The following ARHGEF7 variants were observed in gnomAD, a reference collection of about 807,000 sequenced individuals.
The protein encoded by ARHGEF7 is Rho guanine nucleotide exchange factor 7.
A neutral mutation model predicts 109.8 loss-of-function variants in ARHGEF7; 33 were observed. The observed-to-expected ratio is 0.30, with a 90% CI of 0.23 to 0.40. The LOEUF (loss-of-function observed/expected upper bound fraction) is 0.40. Ranked by LOEUF, ARHGEF7 falls within the 10% of genes least tolerant of loss-of-function variation. ARHGEF7 has a pLI of 1.00. For synonymous variants in ARHGEF7, 458 were observed against 424.6 expected, an observed-to-expected ratio of 1.08 and a Z score of -0.97; for missense variants, 938 against 1,098.5, an observed-to-expected ratio of 0.85 and a Z score of 2.07.
At chr13:111,213,488 C>T (rs143833558) in intron 4 of ARHGEF7, among the ~76,000 whole-genome samples, 19 of 152,346 alleles carry the variant, frequency 1.2e-4, no homozygotes, top group Admixed American at 1.2e-3. Flanking sequence ...GACCAGCCTC[C>T]AACTCCTCGA....
At chr13:111,248,657 AGTTT>A (rs1206927341) in intron 8 of ARHGEF7, among the ~76,000 whole-genome samples, 1 of 152,040 alleles carries the variant, frequency 6.6e-6, no homozygotes, top group African/African-American at 2.4e-5. Context: ...ACAAGTTTTT[AGTTT>A]GAGAATTTTT....
chr13:111,214,654 A>G (rs575830387), intron 4 of ARHGEF7, among the ~76,000 whole-genome samples: 4 of 152,338 alleles, frequency 2.6e-5, no homozygotes, highest in East Asian at 3.9e-4. Flanking sequence ...TTCAGTTGCA[A>G]TGGCAAACTT....
rs2153388478 is a variant in ARHGEF7 at position 111,159,167 on chromosome 13, G to A, written c.252+5176G>A. The A allele has an allele frequency of 1.7e-5, 12 of 695,374 alleles. No individual in the cohort carries two copies. In the South Asian group the frequency reaches 1.9e-4, roughly 11 times the overall value. 43.1% of individuals were successfully genotyped at this position (695,374 alleles called of 1,614,324 possible). A position where few individuals can be genotyped will look rare whatever the true frequency, so the allele number is the denominator to read the frequency against. ...TCTTTTTGTGCCCTGCTTTCTCTTA[G>A]CACAATGTTCTCCAGGTTCATTCAT... On this transcript the variant is annotated intron_variant, in intron 2 of 21. Coordinates refer to ENST00000646102, the MANE Select transcript of ARHGEF7 (RefSeq NM_001354046.2).
At chr13:111,271,677 A>G (rs780052900) in intron 9 of ARHGEF7, among the ~76,000 whole-genome samples, 6 of 152,160 alleles carry the variant, frequency 3.9e-5, no homozygotes, top group Non-Finnish European at 8.8e-5. Flanking sequence ...ACGTACACAC[A>G]CTCGGAAGTA....
At chr13:111,269,782 T>A (rs1399173725) in intron 9 of ARHGEF7, among the ~76,000 whole-genome samples, 2 of 152,160 alleles carry the variant, frequency 1.3e-5, no homozygotes, top group Non-Finnish European at 2.9e-5. Context: ...TCCCGCTGTG[T>A]TGGCCACAGA....
At chr13:111,267,908 A>C (rs1371314718) in intron 9 of ARHGEF7, among the ~76,000 whole-genome samples, 1 of 150,238 alleles carries the variant, frequency 6.7e-6, no homozygotes, top group Non-Finnish European at 1.5e-5. Context: ...CCCTTTGGCT[A>C]ATAGGTTGAA....
chr13:111,118,305 T>C (rs2153309597), intron 1 of ARHGEF7, among the ~76,000 whole-genome samples: 1 of 152,372 alleles, frequency 6.6e-6, no homozygotes, highest in African/African-American at 2.4e-5. Flanking sequence ...CGTGTCAGAT[T>C]CTTCTGCTCA....
chr13:111,174,193 A>G (rs1366724430), intron 2 of ARHGEF7, among the ~76,000 whole-genome samples: 19 of 152,324 alleles, frequency 1.2e-4, no homozygotes, highest in Non-Finnish European at 7.3e-5. Flanking sequence ...TTTTATAGAG[A>G]CTGCTGAGAT....
chr13:111,286,804 G>T (rs978349681), intron 17 of ARHGEF7, among the ~76,000 whole-genome samples: 1 of 152,224 alleles, frequency 6.6e-6, no homozygotes. Context: ...AATAAGTGGA[G>T]CTCTTTTCAG....
At chr13:111,213,625 C>T (rs549815914) in intron 4 of ARHGEF7, among the ~76,000 whole-genome samples, 9 of 152,152 alleles carry the variant, frequency 5.9e-5, no homozygotes, top group African/African-American at 1.9e-4. Context: ...GTTGTTGTAA[C>T]GACTGGCTTG....
intron 8 of ARHGEF7, among the ~76,000 whole-genome samples, chr13:111,249,729 T>C (rs1322651947): frequency 2.0e-5 from 3 of 152,042 alleles, no homozygotes. Context: ...TTCTGATAGA[T>C]TTAGGGGCTC....
intron 5 of ARHGEF7, among the ~76,000 whole-genome samples, chr13:111,224,364 A>G (rs2084903562): frequency 6.6e-6 from 1 of 152,254 alleles, no homozygotes; most frequent in Admixed American, 6.5e-5. Context: ...ACACACGGTT[A>G]GCAGCTGTGA....
Position 111,244,267 on chromosome 13 carries a change from T to G in ARHGEF7, c.923T>G (p.Leu308Arg). 2 of 1,608,768 alleles carry G rather than the reference T, an allele frequency of 1.2e-6. No homozygotes were observed. The highest frequency in any genetic ancestry group is 1.7e-6 in the Non-Finnish European group (2 of 1,177,828). The change falls in exon 8 of 22, where the codon CTC (leucine) becomes CGC (arginine). Residue 308 changes from leucine to arginine, a missense_variant. This residue lies in a region of ARHGEF7 where 585 missense variants were observed against 723.6 expected (regional missense o/e 0.81). Coordinates refer to ENST00000646102, the MANE Select transcript of ARHGEF7 (RefSeq NM_001354046.2). Reference sequence around the variant, plus strand: ...GAAATATGTTCTTTCCAGCAAATGCTCGTACAGTCTTTAGAAGAATGCACC... The same window carrying G: ...GAAATATGTTCTTTCCAGCAAATGCGCGTACAGTCTTTAGAAGAATGCACC... ...LEEICSFQQM[L>R]VQSLEECTKL...
At chr13:111,243,226 A>C in intron 6 of ARHGEF7, among the ~76,000 whole-genome samples, 1 of 133,698 alleles carries the variant, frequency 7.5e-6, no homozygotes, top group Non-Finnish European at 1.7e-5. Context: ...TAAAGAGTAA[A>C]CTGTTTTTTT....
chr13:111,238,402 G>A (rs956268905), intron 6 of ARHGEF7, among the ~76,000 whole-genome samples: 1 of 152,200 alleles, frequency 6.6e-6, no homozygotes, highest in African/African-American at 2.4e-5. Context: ...CTCCAGCAAA[G>A]TGCTGGACCT....
chr13:111,303,399 T>C lies in ARHGEF7; in HGVS notation c.*286T>C. 4.4e-6 allele frequency: 1 copy of C among 225,698 alleles called. No homozygotes were observed. Among genetic ancestry groups the C allele is most frequent in the East Asian group, 8.6e-5 (1 of 11,564 alleles). 14.0% of individuals were successfully genotyped at this position (225,698 alleles called of 1,614,324 possible). A position where few individuals can be genotyped will look rare whatever the true frequency, so the allele number is the denominator to read the frequency against. On this transcript the variant is annotated 3_prime_UTR_variant, in exon 22 of 22. Transcript: ENST00000646102. Reference sequence around the variant, plus strand: ...AATAAGTTCAGTGACTGACTAAAAGTCTTGTTTTTCCAGACTTTGAATTGA... The same window carrying C: ...AATAAGTTCAGTGACTGACTAAAAGCCTTGTTTTTCCAGACTTTGAATTGA...
chr13:111,146,308 TTGG>T (rs1292992596), intron 1 of ARHGEF7, among the ~76,000 whole-genome samples: 1 of 152,240 alleles, frequency 6.6e-6, no homozygotes, highest in Non-Finnish European at 1.5e-5. Flanking sequence ...AGGGAACTTG[TTGG>T]AAATCCAAAT....
Position 111,286,210 on chromosome 13 carries a change from C to G in ARHGEF7, c.2014C>G (p.Pro672Ala). ...GCCCAAGCGCAAACCTGAACGGAAG[C>G]CTTCAGATGAGGAGTTCGCGTCCCG... Reference protein sequence around the residue: ...LLPKRKPERKPSDEEFASRKS... With the variant: ...LLPKRKPERKASDEEFASRKS... Residue 672 changes from proline (P) to alanine (A), a missense_variant, in exon 17 of 22, where the codon CCT (proline) becomes GCT (alanine). Physicochemically the swap from Pro to Ala is conservative, Grantham distance 27 (BLOSUM62 -1). Around this residue, in one of 4 missense-constraint regions of ARHGEF7, gnomAD observed 22 missense variants for 81.9 expected, o/e 0.27. Coordinates refer to ENST00000646102, the MANE Select transcript of ARHGEF7 (RefSeq NM_001354046.2). 6.2e-7 allele frequency: 1 copy of G among 1,614,000 alleles called. No individual in the cohort carries two copies. The highest frequency in any genetic ancestry group is 8.5e-7 in the Non-Finnish European group (1 of 1,179,986).
At chr13:111,265,732 G>C in intron 8 of ARHGEF7, 1 of 455,858 alleles carries the variant, frequency 2.2e-6, no homozygotes, top group South Asian at 1.5e-5. Context: ...AGGTGGGTAG[G>C]TTGTGAGGAT....
Sources: gnomAD v4.1 joint callset for allele counts (sites outside exome capture counted in the v4.1 genomes callset) on GRCh38, gnomAD v4.1.1 for gene constraint, gnomAD v4.1.1 regional missense constraint, MANE v1.5 for transcripts, NCBI Gene and HGNC (gene_info 2026-07-23, HGNC 2026-07-21) for gene names.